Variants in SNTG1 observed in about 807,000 individuals in gnomAD.
SNTG1 encodes the protein gamma-1-syntrophin.
A neutral mutation model predicts 74.7 loss-of-function variants in SNTG1; 39 were observed. The ratio of observed to expected loss-of-function variants is 0.52; its 90% CI spans 0.40 to 0.68. The LOEUF is 0.68. Among genes scored for constraint, SNTG1 ranks in the 30% least tolerant of loss-of-function variants. The pLI, the probability that SNTG1 is intolerant of heterozygous loss-of-function variation, is 0.00. For missense variants in SNTG1, 685 were observed against 609.5 expected, an observed-to-expected ratio of 1.12 and a Z score of -1.30; for synonymous variants, 254 against 217.1, an observed-to-expected ratio of 1.17 and a Z score of -1.49.
At chr8:50,544,017 G>A (rs1349077595) in intron 11 of SNTG1, among the ~76,000 whole-genome samples, 1 of 151,962 alleles carries the variant, frequency 6.6e-6, no homozygotes. Flanking sequence ...TTTTGAAATT[G>A]ATTTGTTAGA....
intron 4 of SNTG1, among the ~76,000 whole-genome samples, chr8:50,407,888 C>G (rs145258098): frequency 6.6e-6 from 1 of 152,200 alleles, no homozygotes; most frequent in East Asian, 1.9e-4. Context: ...CAAAACTGTC[C>G]TCAGGCATTT....
chr8:50,387,111 G>A (rs78555827), intron 2 of SNTG1, among the ~76,000 whole-genome samples: 7,386 of 152,154 alleles, frequency 0.049, 242 homozygotes, highest in Non-Finnish European at 0.07. Context: ...AGGCCTCTCC[G>A]AGTTAAGCTA....
chr8:50,374,174 CTGTT>C (rs1434097145), intron 2 of SNTG1, among the ~76,000 whole-genome samples: 4 of 152,206 alleles, frequency 2.6e-5, no homozygotes, highest in Non-Finnish European at 5.9e-5. Context: ...TGTGACCTCT[CTGTT>C]TGCTGTTAAA....
intron 3 of SNTG1, among the ~76,000 whole-genome samples, chr8:50,399,739 A>AT (rs1320134117): frequency 6.6e-6 from 1 of 152,010 alleles, no homozygotes; most frequent in East Asian, 1.9e-4. Flanking sequence ...CCAATATCCT[A>AT]TTGTAAGCAT....
At chr8:49,918,389 C>A (rs1397497563) in intron 1 of SNTG1, among the ~76,000 whole-genome samples, 1 of 152,012 alleles carries the variant, frequency 6.6e-6, no homozygotes, top group Non-Finnish European at 1.5e-5. Flanking sequence ...CTACAATAAC[C>A]CAGATAATAA....
chr8:50,278,694 T>TTA (rs1554626767), intron 2 of SNTG1, among the ~76,000 whole-genome samples: 1 of 151,218 alleles, frequency 6.6e-6, no homozygotes, highest in African/African-American at 2.4e-5. Context: ...GAAAAAATGC[T>TTA]AAAAAAAAAT....
chr8:50,289,186 C>T (rs16914632), intron 2 of SNTG1, among the ~76,000 whole-genome samples: 10,559 of 152,072 alleles, frequency 0.069, 414 homozygotes, highest in African/African-American at 0.086. Flanking sequence ...TGGTTGTATG[C>T]GGTATGGAAA....
At chr8:50,346,061 T>C (rs1180974759) in intron 2 of SNTG1, among the ~76,000 whole-genome samples, 3 of 152,220 alleles carry the variant, frequency 2.0e-5, no homozygotes, top group African/African-American at 7.2e-5. Context: ...TGACGGGCCA[T>C]AATGAAGCAA....
chr8:50,214,644 C>T (rs2084690344), intron 2 of SNTG1, among the ~76,000 whole-genome samples: 1 of 151,992 alleles, frequency 6.6e-6, no homozygotes, highest in Non-Finnish European at 1.5e-5. Context: ...TGGTAATTTC[C>T]TTGGTGTTCT....
At chr8:50,448,322 A>T (rs1007419690) in intron 5 of SNTG1, among the ~76,000 whole-genome samples, 12 of 152,190 alleles carry the variant, frequency 7.9e-5, no homozygotes, top group African/African-American at 2.9e-4. Flanking sequence ...CAAAAAAAAA[A>T]ATTCAATATT....
Position 50,792,902 on chromosome 8 carries a change from A to C in SNTG1, c.*73A>C, listed in dbSNP as rs777612425. 10 of 1,442,174 alleles carry C rather than the reference A, an allele frequency of 6.9e-6. No individual in the cohort carries two copies. The highest frequency in any genetic ancestry group is 8.3e-6 in the Non-Finnish European group (9 of 1,088,252). 89.3% of individuals were successfully genotyped at this position (1,442,174 alleles called of 1,614,324 possible). A position where few individuals can be genotyped will look rare whatever the true frequency, so the allele number is the denominator to read the frequency against. On this transcript the variant is annotated 3_prime_UTR_variant, in exon 19 of 19. Transcript: ENST00000642720. ...ACATTTACTCATCATTTTAGACCCT[A>C]GAGAAACCATAACATCACCAAGTCG...
chr8:50,724,637 G>T (rs1444589960), intron 17 of SNTG1, among the ~76,000 whole-genome samples: 1 of 152,042 alleles, frequency 6.6e-6, no homozygotes, highest in Admixed American at 6.6e-5. Flanking sequence ...GATTATTTTT[G>T]GTAGAGGATC....
chr8:49,959,496 G>A (rs560009500), intron 1 of SNTG1, among the ~76,000 whole-genome samples: 138 of 152,168 alleles, frequency 9.1e-4, no homozygotes, highest in Non-Finnish European at 1.7e-3. Context: ...CTTTCTGTCT[G>A]TATAGATTTG....
intron 17 of SNTG1, among the ~76,000 whole-genome samples, chr8:50,732,926 A>G (rs1283794639): frequency 6.6e-6 from 1 of 151,724 alleles, no homozygotes; most frequent in African/African-American, 2.4e-5. Context: ...TATTTTTTGT[A>G]TTTTGTGTAT....
chr8:50,222,502 T>C (rs769129473), intron 2 of SNTG1, among the ~76,000 whole-genome samples: 16 of 152,218 alleles, frequency 1.1e-4, no homozygotes, highest in Non-Finnish European at 1.6e-4. Flanking sequence ...ATTGAATTCT[T>C]CTTTTCTAAC....
chr8:50,610,886 C>A (rs2094845059), intron 13 of SNTG1, among the ~76,000 whole-genome samples: 1 of 151,966 alleles, frequency 6.6e-6, no homozygotes, highest in African/African-American at 2.4e-5. Flanking sequence ...TTGTTCGTGA[C>A]TGTTTATTTT....
chr8:50,468,998 TA>T (rs2093630817), intron 8 of SNTG1, among the ~76,000 whole-genome samples: 1 of 152,200 alleles, frequency 6.6e-6, no homozygotes. Flanking sequence ...ATATTGTTAG[TA>T]CTATTATTTT....
At chr8:50,748,029 T>A (rs2095559097) in intron 17 of SNTG1, among the ~76,000 whole-genome samples, 1 of 152,004 alleles carries the variant, frequency 6.6e-6, no homozygotes, top group South Asian at 2.1e-4. Context: ...AAACACACAC[T>A]TTATTGAGTT....
chr8:50,654,017 C>T (rs954221084), intron 13 of SNTG1, among the ~76,000 whole-genome samples: 1 of 152,056 alleles, frequency 6.6e-6, no homozygotes, highest in African/African-American at 2.4e-5. Flanking sequence ...ATGCTCTTTG[C>T]TGTCTTTGGT....
Sources: gnomAD v4.1 joint callset for allele counts (sites outside exome capture counted in the v4.1 genomes callset) on GRCh38, gnomAD v4.1.1 for gene constraint, MANE v1.5 for transcripts, NCBI Gene and HGNC (gene_info 2026-07-23, HGNC 2026-07-21) for gene names.